The following HS3ST4 variants were observed in gnomAD, a reference collection of about 807,000 sequenced individuals.
HS3ST4 encodes the protein heparan sulfate glucosamine 3-O-sulfotransferase 4.
In HS3ST4, 17 loss-of-function variants were observed where a neutral mutation model predicts 29.2. The ratio of observed to expected loss-of-function variants is 0.58; its 90% confidence interval spans 0.40 to 0.87. The LOEUF is 0.87. Among genes scored for constraint, HS3ST4 ranks in the 40% least tolerant of loss-of-function variants. The probability of loss-of-function intolerance (pLI) is 0.00; values close to 1 mark genes in which losing one functional copy is unlikely to be tolerated. For missense variants in HS3ST4, 627 were observed against 634.5 expected (o/e 0.99, Z 0.13); for synonymous variants, 314 against 285.7 (o/e 1.10, Z -1.00).
chr16:25,937,883 G>A (rs1968532338), intron 1 of HS3ST4, among the ~76,000 whole-genome samples: 1 of 152,202 alleles, frequency 6.6e-6, no homozygotes, highest in South Asian at 2.1e-4. Flanking sequence ...TTAGCCCAAA[G>A]TTACCTAGTG....
At chr16:25,969,590 G>A (rs762044650) in intron 1 of HS3ST4, among the ~76,000 whole-genome samples, 10 of 152,158 alleles carry the variant, frequency 6.6e-5, no homozygotes, top group Non-Finnish European at 1.2e-4. Context: ...GATATGGCCT[G>A]GGACAACTCT....
intron 1 of HS3ST4, among the ~76,000 whole-genome samples, chr16:26,106,828 A>G (rs578204933): frequency 6.6e-6 from 1 of 152,304 alleles, no homozygotes; most frequent in South Asian, 2.1e-4. Flanking sequence ...TCATGGAGTC[A>G]CCTTCTCGTT....
chr16:25,790,155 C>T (rs1223807693), intron 1 of HS3ST4, among the ~76,000 whole-genome samples: 1 of 141,810 alleles, frequency 7.1e-6, no homozygotes, highest in East Asian at 2.1e-4. Flanking sequence ...TGCCTGTAAT[C>T]CCAGCACTTT....
At chr16:25,877,913 A>C (rs1212786437) in intron 1 of HS3ST4, among the ~76,000 whole-genome samples, 1 of 152,212 alleles carries the variant, frequency 6.6e-6, no homozygotes, top group Admixed American at 6.5e-5. Context: ...TGATCAAAAC[A>C]GTGTCCTATT....
intron 1 of HS3ST4, among the ~76,000 whole-genome samples, chr16:25,923,483 GA>G (rs58903987): frequency 6.6e-6 from 1 of 152,286 alleles, no homozygotes; most frequent in African/African-American, 2.4e-5. Context: ...CAAAAAGGAG[GA>G]AATTTTGGCA....
chr16:25,887,691 A>AT (rs768447504), intron 1 of HS3ST4, among the ~76,000 whole-genome samples: 10,224 of 91,394 alleles, frequency 0.11, 1,042 homozygotes, highest in African/African-American at 0.23. Context: ...GCTACACCTG[A>AT]TTTTTTTTTT....
chr16:25,755,226 A>G (rs1231984710), intron 1 of HS3ST4, among the ~76,000 whole-genome samples: 5 of 152,200 alleles, frequency 3.3e-5, no homozygotes, highest in Non-Finnish European at 5.9e-5. Flanking sequence ...AATAGGGCAT[A>G]CTTCTTGCCT....
chr16:25,826,919 C>T (rs1567248880), intron 1 of HS3ST4, among the ~76,000 whole-genome samples: 3 of 152,084 alleles, frequency 2.0e-5, no homozygotes, highest in Non-Finnish European at 2.9e-5. Flanking sequence ...AGTATTACCT[C>T]CAACCTCAGT....
At chr16:25,715,089 G>A (rs977843254) in intron 1 of HS3ST4, among the ~76,000 whole-genome samples, 61 of 152,014 alleles carry the variant, frequency 4.0e-4, no homozygotes, top group African/African-American at 1.4e-3. Flanking sequence ...TTGGGAGGCC[G>A]AGGCGGGTGG....
At chr16:26,081,661 G>A (rs1433045430) in intron 1 of HS3ST4, among the ~76,000 whole-genome samples, 1 of 152,164 alleles carries the variant, frequency 6.6e-6, no homozygotes, top group Non-Finnish European at 1.5e-5. Flanking sequence ...AATTATCCAG[G>A]TGAAGAAATA....
At chr16:26,082,084 C>T (rs1483305150) in intron 1 of HS3ST4, among the ~76,000 whole-genome samples, 6 of 152,094 alleles carry the variant, frequency 3.9e-5, no homozygotes, top group South Asian at 4.1e-4. Context: ...CATGAGCCAC[C>T]GGACACGGCC....
chr16:25,764,830 C>G (rs1318918975), intron 1 of HS3ST4, among the ~76,000 whole-genome samples: 1 of 152,202 alleles, frequency 6.6e-6, no homozygotes, highest in Non-Finnish European at 1.5e-5. Context: ...TTGGTGAAAT[C>G]CTTTTCTAGT....
intron 1 of HS3ST4, among the ~76,000 whole-genome samples, chr16:25,940,431 CA>C (rs1041871212): frequency 6.6e-6 from 1 of 152,110 alleles, no homozygotes; most frequent in Non-Finnish European, 1.5e-5. Flanking sequence ...TACTTGGTTC[CA>C]AAATGCCCAA....
chr16:25,724,209 A>C (rs1324537306), intron 1 of HS3ST4, among the ~76,000 whole-genome samples: 1 of 152,122 alleles, frequency 6.6e-6, no homozygotes, highest in African/African-American at 2.4e-5. Flanking sequence ...TATTCAAGAA[A>C]GATTTGGAAA....
chr16:25,802,386 T>C (rs1194301962), intron 1 of HS3ST4, among the ~76,000 whole-genome samples: 1 of 152,076 alleles, frequency 6.6e-6, no homozygotes, highest in Non-Finnish European at 1.5e-5. Context: ...ACTAAATGCT[T>C]ATATATTGGG....
intron 1 of HS3ST4, among the ~76,000 whole-genome samples, chr16:25,769,742 T>C (rs1014881211): frequency 2.6e-5 from 4 of 152,224 alleles, no homozygotes; most frequent in African/African-American, 9.6e-5. Flanking sequence ...AGTGTTTTAA[T>C]TGATTCCGCT....
intron 1 of HS3ST4, among the ~76,000 whole-genome samples, chr16:25,995,209 A>G (rs1052487755): frequency 2.6e-5 from 4 of 152,218 alleles, no homozygotes; most frequent in Non-Finnish European, 4.4e-5. Flanking sequence ...TGAAACATTA[A>G]TCAAGATGTT....
intron 1 of HS3ST4, among the ~76,000 whole-genome samples, chr16:25,759,856 C>T (rs903301181): frequency 1.3e-5 from 2 of 152,018 alleles, no homozygotes; most frequent in African/African-American, 2.4e-5. Flanking sequence ...CACCACTACA[C>T]TCCAGCCTGG....
chr16:25,994,575 G>C (rs908942725), intron 1 of HS3ST4, among the ~76,000 whole-genome samples: 4 of 152,082 alleles, frequency 2.6e-5, no homozygotes, highest in Admixed American at 2.6e-4. Flanking sequence ...TTTTTAAGAA[G>C]TATTTATGTC....
Sources: allele counts gnomAD v4.1 joint callset (sites outside exome capture counted in the v4.1 genomes callset), GRCh38; gene constraint gnomAD v4.1.1; transcripts MANE v1.5; gene names NCBI Gene and HGNC (gene_info 2026-07-23, HGNC 2026-07-21).